The following COCH variants were observed in gnomAD, a reference collection of about 807,000 sequenced individuals.
COCH encodes cochlin.
COCH carries 40 observed loss-of-function variants against 54.8 expected under a neutral mutation model. The observed-to-expected ratio is 0.73, with a 90% confidence interval of 0.57 to 0.95. COCH has a LOEUF of 0.95. Among genes scored for constraint, COCH ranks in the 40% least tolerant of loss-of-function variants. COCH has a pLI of 0.00. For synonymous variants in COCH, 256 were observed against 237.9 expected, an observed-to-expected ratio of 1.08 and a Z score of -0.70; for missense variants, 605 against 675.0, an observed-to-expected ratio of 0.90 and a Z score of 1.15.
chr14:30,883,124 AT>A (rs1895671812), intron 8 of COCH, among the ~76,000 whole-genome samples: 1 of 152,250 alleles, frequency 6.6e-6, no homozygotes, highest in African/African-American at 2.4e-5. Context: ...CTTAAAAAAA[AT>A]GTGTTCCTTG....
intron 3 of COCH, chr14:30,875,505 A>G: frequency 2.0e-6 from 1 of 498,562 alleles, no homozygotes; most frequent in Non-Finnish European, 3.5e-6. Flanking sequence ...AGCCGCCCAG[A>G]CCCGACTTCA....
chr14:30,875,152 C>T (rs780739180), intron 3 of COCH, 49 bp downstream of exon 3: 29 of 1,543,080 alleles, frequency 1.9e-5, no homozygotes, highest in Non-Finnish European at 2.5e-5. Flanking sequence ...GGGCTGAGCA[C>T]CAGCGGGTAC....
chr14:30,890,705 A>G (rs1217262072), downstream of COCH: 1 of 383,212 alleles, frequency 2.6e-6, no homozygotes, highest in African/African-American at 2.2e-5. Context: ...TGTTTTTTAA[A>G]TCATGTAATA....
At chr14:30,893,627 A>G (rs1436559690), downstream of COCH, among the ~76,000 whole-genome samples, 1 of 152,278 alleles carries the variant, frequency 6.6e-6, no homozygotes, top group East Asian at 1.9e-4. Flanking sequence ...GCACCTGTGC[A>G]TTTCTGGGGG....
chr14:30,875,662 G>C lies in COCH; in HGVS notation c.82+559G>C, dbSNP rs28400025. On this transcript the variant is annotated intron_variant, in intron 3 of 11. Coordinates refer to ENST00000396618, the MANE Select transcript of COCH (RefSeq NM_004086.3). ...AGAGAGTTTAAAAAGTTTGTACCAC[G>C]TGTAGAGGTCCGGGTATGGGTGTGT... 7.0e-3 allele frequency: 1,590 copies of C among 227,432 alleles called. 11 individuals are homozygous for C. Among genetic ancestry groups the C allele is most frequent in the African/African-American group, 0.014 (638 of 44,038 alleles). 14.1% of individuals were successfully genotyped at this position (227,432 alleles called of 1,614,324 possible). A position where few individuals can be genotyped will look rare whatever the true frequency, so the allele number is the denominator to read the frequency against.
At position 30,889,953 on chromosome 14, in the gene COCH, C is replaced by G. The variant is rs1161202634; in HGVS notation, c.*162C>G. 7 of 1,388,614 alleles carry G rather than the reference C, an allele frequency of 5.0e-6. No individual in the cohort carries two copies. In the African/African-American group the frequency reaches 1.0e-4, roughly 20 times the overall value. The allele number at this position is 1,388,614 out of a possible 1,614,324, so 86.0% of individuals were successfully genotyped here. On this transcript the variant is annotated 3_prime_UTR_variant, in exon 12 of 12. Coordinates refer to ENST00000396618, the MANE Select transcript of COCH (RefSeq NM_004086.3). ...ATAAGCACTCCTTTAAAGCCGCTGC[C>G]TTCTGGTTACAATTTACAGTGTACT...
rs908550105 is a variant in COCH, at chr14:30,874,567, G to A, written c.-48G>A. ...CGGGGGCCTTGCCTTCCGCACTCGG[G>A]CGCAGCCGGGTGGATCTCGAGCAGG... On this transcript the variant is annotated 5_prime_UTR_variant, in exon 1 of 12. Coordinates refer to ENST00000396618, the MANE Select transcript of COCH (RefSeq NM_004086.3). 9.5e-6 allele frequency: 4 copies of A among 420,946 alleles called. No individual in the cohort carries two copies. The highest frequency in any genetic ancestry group is 6.2e-5 in the African/African-American group (3 of 48,080). 26.1% of individuals were successfully genotyped at this position (420,946 alleles called of 1,614,324 possible).
intron 11 of COCH, among the ~76,000 whole-genome samples, chr14:30,888,221 G>A (rs1895857164): frequency 6.6e-6 from 1 of 151,752 alleles, no homozygotes; most frequent in Non-Finnish European, 1.5e-5. Flanking sequence ...GAAAACTGAG[G>A]GGGAGGAAAA....
downstream of COCH, chr14:30,894,833 A>C: frequency 2.1e-6 from 1 of 480,344 alleles, no homozygotes; most frequent in Admixed American, 4.5e-5. Flanking sequence ...AAAAACTAGA[A>C]TTTTATCCAA....
Position 30,886,031 on chromosome 14 carries a change from T to A in COCH, c.1196T>A (p.Ile399Asn). The A allele has an allele frequency of 1.2e-6, 2 of 1,614,226 alleles. No individual in the cohort carries two copies. Among genetic ancestry groups the A allele is most frequent in the Non-Finnish European group, 1.7e-6 (2 of 1,180,044 alleles). Residue 399 changes from isoleucine to asparagine, a missense_variant, in exon 11 of 12, where the codon ATC (isoleucine) becomes AAC (asparagine). Transcript: ENST00000396618. The stretch of plus-strand genomic sequence containing the variant: ...TCCAACATAGCCAAGACTTTTGAAA[T>A]CTCGGACATTGGTGCCAAGATAGCT... Reference protein sequence around the residue: ...FVSNIAKTFEISDIGAKIAAV... With the variant: ...FVSNIAKTFENSDIGAKIAAV...
chr14:30,878,704 C>T (rs755396210), intron 4 of COCH, 107 bp from the exon 5 acceptor site: 3 of 1,486,188 alleles, frequency 2.0e-6, no homozygotes, highest in Non-Finnish European at 2.8e-6. Flanking sequence ...CCCTGATGAG[C>T]TATTTTCTTG....
intron 8 of COCH, among the ~76,000 whole-genome samples, chr14:30,881,887 C>G (rs1158244029): frequency 2.0e-5 from 3 of 151,776 alleles, no homozygotes; most frequent in African/African-American, 7.3e-5. Context: ...TGGCGTGAAC[C>G]CAGGAGGTGG....
downstream of COCH, among the ~76,000 whole-genome samples, chr14:30,892,756 G>A (rs546497190): frequency 2.6e-5 from 4 of 151,694 alleles, no homozygotes; most frequent in East Asian, 1.9e-4. Flanking sequence ...GCAGCGTGCC[G>A]AGATCGCACC....
downstream of COCH, chr14:30,895,277 A>G (rs1186250499): frequency 1.2e-6 from 1 of 856,286 alleles, no homozygotes; most frequent in Non-Finnish European, 1.7e-6. Flanking sequence ...GATTTCCACC[A>G]ATTTGTGCCT....
In COCH at chr14:30,877,185, T is replaced by C. The variant is rs1392431971; in HGVS notation, c.83-387T>C. Among the ~76,000 whole-genome samples the C allele has an allele frequency of 1.3e-5, 2 of 152,150 alleles. No homozygotes were observed. Among genetic ancestry groups the C allele is most frequent in the Non-Finnish European group, 2.9e-5 (2 of 68,038 alleles). ...TCAGATATAGTTCCAATTATGTATTTCCAACCTGGTTAAGAACTGAGAAGC... is the reference window on the plus strand; with the variant it reads ...TCAGATATAGTTCCAATTATGTATTCCCAACCTGGTTAAGAACTGAGAAGC... On this transcript the variant is annotated intron_variant, in intron 3 of 11. Transcript: ENST00000396618. The surrounding 1 kb of genome is among the most constrained non-coding windows in gnomAD (Gnocchi z 8.6).
In COCH at chr14:30,889,653, T is replaced by C. The variant is rs762167606; in HGVS notation, c.1515T>C (p.Pro505=). The C allele has an allele frequency of 4.3e-6, 7 of 1,613,988 alleles. No homozygotes were observed. The highest frequency in any genetic ancestry group is 1.7e-5 in the Admixed American group (1 of 60,012). ...TCTCTGTTGGTGTGGCTTGGGCACC[T>C]CTGGATGACCTGAAAGATATGGCTT... ...TIFSVGVAWA[P]LDDLKDMASK... The change falls in exon 12 of 12, where the codon CCT becomes CCC. Residue 505 remains proline, a synonymous_variant. Transcript: ENST00000396618.
In COCH at chr14:30,885,554, A is replaced by C; in HGVS notation, c.894A>C (p.Ile298=). 6.2e-7 allele frequency: 1 copy of C among 1,613,524 alleles called. No individual in the cohort carries two copies. Among genetic ancestry groups the C allele is most frequent in the East Asian group, 2.2e-5 (1 of 44,886 alleles). Residue 298 remains isoleucine (I), a synonymous_variant, in exon 10 of 12, where the codon ATA becomes ATC. Transcript: ENST00000396618. ...GAGAGTTTGGTGTCAATGTATTTAT[A>C]GTTTCTGTGGCCAAGCCTATCCCTG... The part of the protein sequence containing the change: ...VAREFGVNVF[I]VSVAKPIPEE...
rs143142304 is a variant in COCH, at chr14:30,889,766, G to A, written c.1628G>A (p.Arg543Lys). 9.3e-6 allele frequency: 15 copies of A among 1,610,440 alleles called. No individual in the cohort carries two copies. Among genetic ancestry groups the A allele is most frequent in the Non-Finnish European group, 1.2e-5 (14 of 1,177,106 alleles). Residue 543 changes from arginine to lysine, a missense_variant, in exon 12 of 12, where the codon AGA becomes AAA. Transcript: ENST00000396618. Reference sequence around the variant, plus strand: ...TCTGATGTCATCAGAGGCATTTGTAGAGATTTCTTAGAATCCCAGCAATAA... The same window carrying A: ...TCTGATGTCATCAGAGGCATTTGTAAAGATTTCTTAGAATCCCAGCAATAA... ...IVSDVIRGIC[R>K]DFLESQQ
At chr14:30,892,983 TC>T (rs901510275), downstream of COCH, among the ~76,000 whole-genome samples, 39 of 152,154 alleles carry the variant, frequency 2.6e-4, no homozygotes, top group African/African-American at 9.2e-4. Context: ...TTTCTAGTGT[TC>T]CCTTCTAATT....
Sources: gnomAD v4.1 joint callset for allele counts (sites outside exome capture counted in the v4.1 genomes callset) on GRCh38, gnomAD v4.1.1 for gene constraint, Gnocchi (gnomAD v3.1) non-coding constraint, MANE v1.5 for transcripts, NCBI Gene and HGNC (gene_info 2026-07-23, HGNC 2026-07-21) for gene names.